The following NOL4L variants were observed in gnomAD, a reference collection of about 807,000 sequenced individuals.
NOL4L encodes nucleolar protein 4 like, also known as nucleolar protein 4-like.
In NOL4L, 7 loss-of-function variants were observed where a neutral mutation model predicts 64.5. The ratio of observed to expected loss-of-function variants is 0.11; its 90% CI spans 0.06 to 0.20. The LOEUF (loss-of-function observed/expected upper bound fraction) is 0.20, where lower values mean the gene tolerates loss of function less well. Ranked by LOEUF, NOL4L falls within the 10% of genes least tolerant of loss-of-function variation. The pLI, the probability that NOL4L is intolerant of heterozygous loss-of-function variation, is 1.00. For synonymous variants in NOL4L, 413 were observed against 401.0 expected, an observed-to-expected ratio of 1.03 and a Z score of -0.36; for missense variants, 680 against 967.1, an observed-to-expected ratio of 0.70 and a Z score of 3.94.
At chr20:32,569,886 C>A (rs1043174764) in intron 1 of NOL4L, among the ~76,000 whole-genome samples, 1 of 152,178 alleles carries the variant, frequency 6.6e-6, no homozygotes, top group African/African-American at 2.4e-5. Flanking sequence ...AGGCACCAAT[C>A]AAAATGTGCT....
At chr20:32,536,298 C>G in intron 1 of NOL4L, 1 of 985,272 alleles carries the variant, frequency 1.0e-6, no homozygotes, top group Non-Finnish European at 1.2e-6. Context: ...GCGGGCGGGT[C>G]CCTCTCGGGC....
intron 4 of NOL4L, among the ~76,000 whole-genome samples, chr20:32,483,093 G>T (rs1242962166): frequency 2.0e-5 from 3 of 147,552 alleles, no homozygotes; most frequent in Non-Finnish European, 4.5e-5. Flanking sequence ...CCCCCACAGT[G>T]CAGCCTTCAT....
chr20:32,541,308 C>A (rs910290387), intron 1 of NOL4L, among the ~76,000 whole-genome samples: 1 of 152,236 alleles, frequency 6.6e-6, no homozygotes, highest in Non-Finnish European at 1.5e-5. Flanking sequence ...GAGTCTGGAA[C>A]TGAATGCAGG....
intron 3 of NOL4L, among the ~76,000 whole-genome samples, chr20:32,512,823 T>C (rs1233504889): frequency 1.3e-5 from 2 of 152,246 alleles, no homozygotes; most frequent in African/African-American, 4.8e-5. Flanking sequence ...TCTCTAACGA[T>C]TGGCTATTTA....
At chr20:32,547,014 A>AT (rs2018741914) in intron 1 of NOL4L, among the ~76,000 whole-genome samples, 1 of 152,144 alleles carries the variant, frequency 6.6e-6, no homozygotes, top group African/African-American at 2.4e-5. Flanking sequence ...GAGGGGCTTG[A>AT]TTTTCCCATC....
Position 32,459,716 on chromosome 20 carries a change from A to G in NOL4L, c.842-3321T>C, listed in dbSNP as rs1878654828. ...AATTTTTAAAGTTTTCTTTTTTTGT[A>G]GAGAACAGGTCTCGCTATATTGCCC... On this transcript the variant is annotated intron_variant, in intron 5 of 10. Transcript: ENST00000621426. 2.6e-5 allele frequency among the ~76,000 whole-genome samples: 4 copies of G among 151,898 alleles called. No individual in the cohort carries two copies. In the South Asian group the frequency reaches 8.3e-4, roughly 32 times the overall value.
intron 4 of NOL4L, among the ~76,000 whole-genome samples, chr20:32,475,817 T>G (rs1215621333): frequency 1.3e-5 from 2 of 151,978 alleles, no homozygotes; most frequent in African/African-American, 4.8e-5. Context: ...GCAAACACAC[T>G]TTGGTTGGAA....
intron 1 of NOL4L, among the ~76,000 whole-genome samples, chr20:32,558,325 AT>A (rs1351428075): frequency 6.6e-6 from 1 of 152,002 alleles, no homozygotes; most frequent in African/African-American, 2.4e-5. Context: ...AGCTGCTGAA[AT>A]CCGCATCGTA....
At chr20:32,456,417 TG>T in intron 5 of NOL4L, 22 bp from the exon 6 acceptor site, 2 of 1,448,996 alleles carry the variant, frequency 1.4e-6, no homozygotes, top group Non-Finnish European at 1.8e-6. Flanking sequence ...GGCCTGGGTG[TG>T]AGGCCCCACC....
At chr20:32,470,304 CG>C (rs2014916051) in intron 5 of NOL4L, among the ~76,000 whole-genome samples, 1 of 152,252 alleles carries the variant, frequency 6.6e-6, no homozygotes, top group Non-Finnish European at 1.5e-5. Flanking sequence ...CCCCGCCTGC[CG>C]GGTCAGGAAC....
intron 4 of NOL4L, among the ~76,000 whole-genome samples, chr20:32,491,086 C>A (rs1433467796): frequency 1.3e-5 from 2 of 152,244 alleles, no homozygotes; most frequent in Non-Finnish European, 2.9e-5. Context: ...ATGACAAGTG[C>A]AGGTGACATG....
intron 4 of NOL4L, among the ~76,000 whole-genome samples, chr20:32,505,873 C>CA (rs2145545130): frequency 6.6e-6 from 1 of 152,144 alleles, no homozygotes; most frequent in African/African-American, 2.4e-5. Context: ...TAGAGGTTAC[C>CA]AGGGCTGGGG....
At chr20:32,452,479 G>T in intron 9 of NOL4L, 42 bp from the exon 10 acceptor site, 1 of 1,500,030 alleles carries the variant, frequency 6.7e-7, no homozygotes, top group South Asian at 1.3e-5. Flanking sequence ...CCAAGGGGCA[G>T]CTGGCCCCAA....
At chr20:32,531,417 T>G (rs1033866797) in intron 1 of NOL4L, among the ~76,000 whole-genome samples, 1 of 151,842 alleles carries the variant, frequency 6.6e-6, no homozygotes, top group Non-Finnish European at 1.5e-5. Flanking sequence ...GCCATCAGGC[T>G]GGAGTGCTCA....
At chr20:32,520,744 CGTCTTCAGGGACA>C in intron 3 of NOL4L, 54 bp downstream of exon 3, 1 of 956,672 alleles carries the variant, frequency 1.0e-6, no homozygotes, top group South Asian at 1.6e-5. Flanking sequence ...CAAAAGCTGG[CGTCTTCAGGGACA>C]GTCCACTCTT....
At chr20:32,500,155 G>C (rs1044399917) in intron 4 of NOL4L, among the ~76,000 whole-genome samples, 1 of 152,210 alleles carries the variant, frequency 6.6e-6, no homozygotes, top group Non-Finnish European at 1.5e-5. Context: ...TCAGCTGGAA[G>C]AGCCTGCAAG....
chr20:32,574,732 C>T (rs1979980481), intron 1 of NOL4L, among the ~76,000 whole-genome samples: 1 of 152,126 alleles, frequency 6.6e-6, no homozygotes, highest in Non-Finnish European at 1.5e-5. Context: ...GGGCTCCAAG[C>T]TGGAGAGGGG....
chr20:32,512,609 C>T (rs1334278778), intron 3 of NOL4L, among the ~76,000 whole-genome samples: 4 of 152,166 alleles, frequency 2.6e-5, no homozygotes, highest in Admixed American at 2.0e-4. Flanking sequence ...TTGGCATATG[C>T]TTCTGTTTAT....
intron 1 of NOL4L, among the ~76,000 whole-genome samples, chr20:32,547,653 C>T (rs1334630044): frequency 6.6e-6 from 1 of 152,094 alleles, no homozygotes; most frequent in Non-Finnish European, 1.5e-5. Flanking sequence ...GGGAAGCCTG[C>T]CCCAAGGAAG....
Sources: allele counts gnomAD v4.1 joint callset (sites outside exome capture counted in the v4.1 genomes callset), GRCh38; gene constraint gnomAD v4.1.1; transcripts MANE v1.5; gene names NCBI Gene and HGNC (gene_info 2026-07-23, HGNC 2026-07-21).